BMPR1A: variants seen among roughly 807,000 people sequenced by gnomAD.
BMPR1A encodes bone morphogenetic protein receptor type-1A.
In BMPR1A, 7 loss-of-function variants were observed where a neutral mutation model predicts 66.0. The ratio of observed to expected loss-of-function variants is 0.11; its 90% CI spans 0.06 to 0.20. The LOEUF (loss-of-function observed/expected upper bound fraction) is 0.20, where lower values mean the gene tolerates loss of function less well. Ranked by LOEUF, BMPR1A falls within the 10% of genes least tolerant of loss-of-function variation. BMPR1A has a pLI of 1.00. For synonymous variants in BMPR1A, 200 were observed against 229.7 expected (o/e 0.87, Z 1.17); for missense variants, 408 against 669.1 (o/e 0.61, Z 4.31).
chr10:86,758,053 C>A (rs1847907432), intron 1 of BMPR1A, among the ~76,000 whole-genome samples: 1 of 152,038 alleles, frequency 6.6e-6, no homozygotes, highest in Non-Finnish European at 1.5e-5. Context: ...TCATTGTTTT[C>A]AGTTGTTGAA....
At chr10:86,882,404 CAG>C (rs1387469253) in intron 3 of BMPR1A, among the ~76,000 whole-genome samples, 2 of 151,936 alleles carry the variant, frequency 1.3e-5, no homozygotes, top group African/African-American at 4.8e-5. Context: ...GCCTGGGCAA[CAG>C]AGTGAGACCC....
intron 2 of BMPR1A, among the ~76,000 whole-genome samples, chr10:86,854,183 C>G (rs773403187): frequency 6.6e-6 from 1 of 152,212 alleles, no homozygotes; most frequent in Non-Finnish European, 1.5e-5. Flanking sequence ...CAATATGGCT[C>G]TGTTCCGCCC....
Position 86,925,841 on chromosome 10 carries a change from C to T in BMPR1A, c.*2122C>T, listed in dbSNP as rs1843733678. ...TTCCCGGGTTCACGCCATTCTCCTG[C>T]CTCAGCCTCCCGAGTAGCTGGGACT... On this transcript the variant is annotated 3_prime_UTR_variant, in exon 13 of 13. Coordinates refer to ENST00000372037, the MANE Select transcript of BMPR1A (RefSeq NM_004329.3). 6.2e-6 allele frequency: 1 copy of T among 161,306 alleles called. No individual in the cohort carries two copies. Among genetic ancestry groups the T allele is most frequent in the Non-Finnish European group, 1.3e-5 (1 of 74,600 alleles). The allele number at this position is 161,306 out of a possible 1,614,324, so 10.0% of individuals were successfully genotyped here.
chr10:86,895,878 GC>G (rs1305313229), intron 5 of BMPR1A, among the ~76,000 whole-genome samples: 1 of 152,100 alleles, frequency 6.6e-6, no homozygotes, highest in African/African-American at 2.4e-5. Context: ...AATTAGCTGG[GC>G]CTGGTGGCTC....
chr10:86,774,698 G>A (rs1234486345), intron 1 of BMPR1A, among the ~76,000 whole-genome samples: 1 of 152,122 alleles, frequency 6.6e-6, no homozygotes. Context: ...AGTAAAACAC[G>A]AGCAAATTGA....
intron 5 of BMPR1A, among the ~76,000 whole-genome samples, 196 bp downstream of exon 5, chr10:86,892,425 C>T (rs1172403188): frequency 6.6e-6 from 1 of 152,208 alleles, no homozygotes; most frequent in Non-Finnish European, 1.5e-5. Context: ...TTCTGAAAAG[C>T]TAATTGTTTG....
At chr10:86,763,053 G>T (rs537286885) in intron 1 of BMPR1A, among the ~76,000 whole-genome samples, 4 of 152,132 alleles carry the variant, frequency 2.6e-5, no homozygotes, top group South Asian at 4.2e-4. Flanking sequence ...GAGCCACCAC[G>T]CCTGGCTAAT....
chr10:86,912,094 T>C (rs950804835), intron 7 of BMPR1A, 146 bp from the exon 8 acceptor site: 5 of 838,890 alleles, frequency 6.0e-6, no homozygotes, highest in Admixed American at 2.5e-5. Flanking sequence ...TAGATGTATT[T>C]AACAGGATAT....
At chr10:86,800,293 C>G (rs75732409) in intron 1 of BMPR1A, among the ~76,000 whole-genome samples, 3 of 152,202 alleles carry the variant, frequency 2.0e-5, no homozygotes, top group Non-Finnish European at 2.9e-5. Flanking sequence ...GTTGCCATCA[C>G]TCACTGCATT....
chr10:86,882,304 TCACAGCTACTCGGGAGGC>T (rs1305631091), intron 3 of BMPR1A, among the ~76,000 whole-genome samples: 1 of 151,914 alleles, frequency 6.6e-6, no homozygotes, highest in Non-Finnish European at 1.5e-5. Context: ...GTGCCTGTAG[TCACAGCTACTCGGGAGGC>T]TGAGGTGGGA....
chr10:86,916,755 G>A (rs1037373981), intron 8 of BMPR1A, among the ~76,000 whole-genome samples: 1 of 152,098 alleles, frequency 6.6e-6, no homozygotes, highest in Non-Finnish European at 1.5e-5. Context: ...ATGGGAGGCC[G>A]GGGGTGGGGT....
chr10:86,919,528 C>T (rs1041801925), intron 10 of BMPR1A, 59 bp downstream of exon 10: 1 of 1,586,342 alleles, frequency 6.3e-7, no homozygotes, highest in Admixed American at 1.7e-5. Flanking sequence ...AGATATTTCC[C>T]TATTTGTATT....
At chr10:86,809,966 A>ATAT (rs35115658) in intron 1 of BMPR1A, among the ~76,000 whole-genome samples, 34,892 of 150,374 alleles carry the variant, frequency 0.23, 5,101 homozygotes, top group East Asian at 0.66. Context: ...TAGTTGCTGA[A>ATAT]TATTATTATT....
At chr10:86,930,516 G>A, downstream of BMPR1A, 1 of 152,468 alleles carries the variant, frequency 6.6e-6, no homozygotes, top group Non-Finnish European at 1.5e-5. Context: ...AACCTCAGGT[G>A]ATCTGCCCAC....
At chr10:86,772,193 C>T (rs571482772) in intron 1 of BMPR1A, among the ~76,000 whole-genome samples, 10 of 143,604 alleles carry the variant, frequency 7.0e-5, no homozygotes, top group South Asian at 2.2e-4. Flanking sequence ...TACAGTGGCA[C>T]GATCTTGGCT....
chr10:86,898,194 C>A (rs1050647075), intron 5 of BMPR1A, among the ~76,000 whole-genome samples: 7 of 151,902 alleles, frequency 4.6e-5, no homozygotes, highest in African/African-American at 1.7e-4. Context: ...AGCCACCACA[C>A]CCAGTTTAAA....
chr10:86,833,731 G>A (rs1265483791), intron 1 of BMPR1A, among the ~76,000 whole-genome samples: 2 of 152,194 alleles, frequency 1.3e-5, no homozygotes, highest in African/African-American at 4.8e-5. Context: ...AAGGATCTGG[G>A]CTGAGGTATA....
At chr10:86,885,745 G>A (rs1287740309) in intron 3 of BMPR1A, among the ~76,000 whole-genome samples, 1 of 152,158 alleles carries the variant, frequency 6.6e-6, no homozygotes, top group African/African-American at 2.4e-5. Context: ...TAGTGCATCA[G>A]TAGCCCATTG....
At chr10:86,864,289 C>A (rs1311922043) in intron 2 of BMPR1A, among the ~76,000 whole-genome samples, 1 of 152,030 alleles carries the variant, frequency 6.6e-6, no homozygotes, top group Non-Finnish European at 1.5e-5. Flanking sequence ...CTCATGACAC[C>A]GACACGACAA....
Sources: allele counts gnomAD v4.1 joint callset (sites outside exome capture counted in the v4.1 genomes callset), GRCh38; gene constraint gnomAD v4.1.1; transcripts MANE v1.5; gene names NCBI Gene and HGNC (gene_info 2026-07-23, HGNC 2026-07-21).